The following MYOM1 variants were observed in gnomAD, a reference collection of about 807,000 sequenced individuals.
The protein encoded by MYOM1 is myomesin-1.
Under a neutral mutation model 205.3 loss-of-function variants are expected in MYOM1, and 164 were observed. The ratio of observed to expected loss-of-function variants is 0.80; its 90% CI spans 0.70 to 0.91. The LOEUF (loss-of-function observed/expected upper bound fraction) is 0.91, where lower values mean the gene tolerates loss of function less well. MYOM1 is among the 40% of genes least tolerant of loss of function. MYOM1 has a pLI of 0.00. For synonymous variants in MYOM1, 772 were observed against 789.4 expected (o/e 0.98, Z 0.37); for missense variants, 2,011 against 2,127.3 (o/e 0.95, Z 1.08).
At chr18:3,185,918 A>G (rs980498843) in intron 5 of MYOM1, among the ~76,000 whole-genome samples, 1 of 152,180 alleles carries the variant, frequency 6.6e-6, no homozygotes, top group African/African-American at 2.4e-5. Context: ...CTTAGAAGCC[A>G]GGAGCGCTGG....
At chr18:3,154,397 G>A (rs1378508991) in intron 11 of MYOM1, among the ~76,000 whole-genome samples, 1 of 151,870 alleles carries the variant, frequency 6.6e-6, no homozygotes, top group Non-Finnish European at 1.5e-5. Flanking sequence ...TGAATTCGTA[G>A]ACCTAATAGA....
intron 30 of MYOM1, 97 bp from the exon 31 acceptor site, chr18:3,085,229 CTTTTTTTTTTTTTTTTTTTTTTTTTTT>C (rs398041147): frequency 0.018 from 2,335 of 130,944 alleles, 1 homozygote; most frequent in South Asian, 0.026. Flanking sequence ...GCTGCTGCTG[CTTTTTTTTTTTTTTTTTTTTTTTTTTT>C]TTTTTTTTTT....
At chr18:3,075,343 GA>G (rs1483756048) in intron 36 of MYOM1, 110 bp downstream of exon 36, 71 of 1,078,638 alleles carry the variant, frequency 6.6e-5, no homozygotes, top group Non-Finnish European at 5.6e-5. Flanking sequence ...ATTTAAAAAA[GA>G]AAAAAACCAC....
At chr18:3,077,099 A>C (rs1417161866) in intron 34 of MYOM1, among the ~76,000 whole-genome samples, 1 of 151,004 alleles carries the variant, frequency 6.6e-6, no homozygotes, top group East Asian at 2.0e-4. Context: ...GGTAGCCTCG[A>C]ACTCCTGGGC....
rs756403909 is a variant in MYOM1, at chr18:3,134,819, G to A, written c.2215C>T (p.Pro739Ser). ...VTVVGDKLDI[P>S]KAPGKIIPSR... The stretch of plus-strand genomic sequence containing the variant: ...GGGATGATTTTGCCAGGAGCCTTGG[G>A]GATATCTGAGAAAGAGGAAAATGGT... The change falls in exon 16 of 38, where the codon CCC (proline) becomes TCC (serine). Residue 739 changes from proline to serine, a missense_variant. By Grantham distance (74) the Pro-to-Ser change is moderately conservative. Coordinates refer to ENST00000356443, the MANE Select transcript of MYOM1 (RefSeq NM_003803.4). The A allele has an allele frequency of 3.1e-6, 5 of 1,613,786 alleles. No individual in the cohort carries two copies. The South Asian group carries it at 4.4e-5, about 14-fold the overall frequency.
At chr18:3,154,334 G>C (rs1351088367) in intron 11 of MYOM1, among the ~76,000 whole-genome samples, 2 of 151,688 alleles carry the variant, frequency 1.3e-5, no homozygotes, top group African/African-American at 4.8e-5. Flanking sequence ...TTCCAAAAAA[G>C]AATTTTTTGA....
chr18:3,189,216 AAGC>A lies in MYOM1; in HGVS notation c.432-132_432-130del. 2 of 843,544 alleles carry A rather than the reference AAGC, an allele frequency of 2.4e-6. 1 individual carries two copies. Among genetic ancestry groups the A allele is most frequent in the Middle Eastern group, 7.2e-4 (2 of 2,776 alleles). 52.3% of individuals were successfully genotyped at this position (843,544 alleles called of 1,614,324 possible). On this transcript the variant is annotated intron_variant, in intron 3 of 37. Coordinates refer to ENST00000356443, the MANE Select transcript of MYOM1 (RefSeq NM_003803.4). This position sits in a 1 kb window ranked among gnomAD's most constrained non-coding sequence, Gnocchi z 4.8. ...ACCAAAAGAAAATCCGACATAGAAA[AAGC>A]AGGTGAATCAGAAGCTGACACTTCA...
At chr18:3,221,829 A>C (rs1341261571), upstream of MYOM1, among the ~76,000 whole-genome samples, 1 of 152,210 alleles carries the variant, frequency 6.6e-6, no homozygotes, top group Admixed American at 6.5e-5. Context: ...GCATGTGGAC[A>C]TTTTAGCTAT....
At chr18:3,137,014 A>G (rs1017862715) in intron 14 of MYOM1, among the ~76,000 whole-genome samples, 1 of 150,962 alleles carries the variant, frequency 6.6e-6, no homozygotes, top group East Asian at 2.0e-4. Flanking sequence ...GCAGTGGCAC[A>G]ATCTCGGCTC....
rs1010385626 is a variant in MYOM1, at chr18:3,075,453, C to T, written c.4708+1G>A. ...GAAAAGTAAAAAAAAAGTTTACTTACTTTTCTCGGCAATGGCAGCTTGTCT... is the reference window on the plus strand; with the variant it reads ...GAAAAGTAAAAAAAAAGTTTACTTATTTTTCTCGGCAATGGCAGCTTGTCT... On this transcript the variant is annotated splice_donor_variant, in intron 36 of 37. Transcript: ENST00000356443. LOFTEE classifies it high-confidence loss of function. 5 of 1,611,368 alleles carry T rather than the reference C, an allele frequency of 3.1e-6. No homozygotes were observed. Among genetic ancestry groups the T allele is most frequent in the Non-Finnish European group, 4.2e-6 (5 of 1,178,060 alleles).
chr18:3,201,249 A>T (rs2081063157), intron 2 of MYOM1, among the ~76,000 whole-genome samples: 1 of 152,012 alleles, frequency 6.6e-6, no homozygotes, highest in South Asian at 2.1e-4. Context: ...AAATACAAAA[A>T]TTAGCCGGGC....
chr18:3,101,958 T>C lies in MYOM1; in HGVS notation c.3575+516A>G, dbSNP rs73371198. Among the ~76,000 whole-genome samples, 1,309 of 150,660 alleles carry C rather than the reference T, an allele frequency of 8.7e-3. 15 individuals are homozygous for C. The highest frequency in any genetic ancestry group is 0.026 in the African/African-American group (1,051 of 40,932). ...GCCTCAGCCTCCTGAGTTGCTAGGA[T>C]TTCAGGTGTGAGCCAATGAGTCAGT... On this transcript the variant is annotated intron_variant, in intron 23 of 37. Coordinates refer to ENST00000356443, the MANE Select transcript of MYOM1 (RefSeq NM_003803.4).
At chr18:3,120,398 G>A (rs1433830665) in intron 19 of MYOM1, among the ~76,000 whole-genome samples, 3 of 152,132 alleles carry the variant, frequency 2.0e-5, no homozygotes, top group Non-Finnish European at 2.9e-5. Context: ...GCCTTGAGGA[G>A]GTAAATGTCA....
At chr18:3,159,930 C>T (rs370968134) in intron 10 of MYOM1, among the ~76,000 whole-genome samples, 64 of 122,608 alleles carry the variant, frequency 5.2e-4, no homozygotes, top group African/African-American at 1.7e-3. Flanking sequence ...TCCTTCCTTC[C>T]TTCCTTCTCT....
At chr18:3,136,584 A>G (rs1239067670) in intron 14 of MYOM1, among the ~76,000 whole-genome samples, 1 of 151,496 alleles carries the variant, frequency 6.6e-6, no homozygotes, top group African/African-American at 2.4e-5. Flanking sequence ...ATGCCACCAC[A>G]CCTGGCTAAT....
the MYOM1 span, among the ~76,000 whole-genome samples, chr18:3,244,445 G>C: frequency 2.0e-5 from 3 of 152,130 alleles, no homozygotes; most frequent in Admixed American, 6.5e-5. Context: ...GTTAAATGAA[G>C]TCATAACGGT....
intron 37 of MYOM1, among the ~76,000 whole-genome samples, chr18:3,069,283 T>C (rs991754300): frequency 6.6e-6 from 1 of 152,214 alleles, no homozygotes; most frequent in Non-Finnish European, 1.5e-5. Context: ...GTGGTTTTAA[T>C]GTTCACTTGC....
At chr18:3,229,265 T>C in the MYOM1 span, among the ~76,000 whole-genome samples, 6 of 152,166 alleles carry the variant, frequency 3.9e-5, no homozygotes, top group South Asian at 2.1e-4. Context: ...CTGAGGAGCT[T>C]TGAAACTGTA....
intron 26 of MYOM1, among the ~76,000 whole-genome samples, chr18:3,092,780 C>G (rs139036028): frequency 8.2e-4 from 125 of 152,322 alleles, no homozygotes; most frequent in South Asian, 3.7e-3. Flanking sequence ...AGCATCCCCC[C>G]ATCCTATCCT....
Sources: allele counts gnomAD v4.1 joint callset (sites outside exome capture counted in the v4.1 genomes callset), GRCh38; gene constraint gnomAD v4.1.1; non-coding constraint Gnocchi (gnomAD v3.1); transcripts MANE v1.5; gene names NCBI Gene and HGNC (gene_info 2026-07-23, HGNC 2026-07-21).